The following ADGRL2 variants were observed in gnomAD, a reference collection of about 807,000 sequenced individuals.
The protein encoded by ADGRL2 is adhesion G protein-coupled receptor L2, also known as calcium-independent alpha-latrotoxin receptor 2.
A neutral mutation model predicts 157.4 loss-of-function variants in ADGRL2; 44 were observed. The ratio of observed to expected loss-of-function variants is 0.28; its 90% CI spans 0.22 to 0.36. ADGRL2 has a LOEUF of 0.36. Ranked by LOEUF, ADGRL2 falls within the 10% of genes least tolerant of loss-of-function variation. ADGRL2 has a pLI of 1.00. For synonymous variants in ADGRL2, 585 were observed against 624.7 expected, an observed-to-expected ratio of 0.94 and a Z score of 0.95; for missense variants, 1,510 against 1,768.9, an observed-to-expected ratio of 0.85 and a Z score of 2.63.
At chr1:81,374,921 A>T (rs929721591) in intron 1 of ADGRL2, among the ~76,000 whole-genome samples, 3 of 152,148 alleles carry the variant, frequency 2.0e-5, no homozygotes, top group East Asian at 1.9e-4. Flanking sequence ...TTGCCTCCTG[A>T]CTTCCTGAGT....
intron 2 of ADGRL2, among the ~76,000 whole-genome samples, chr1:81,476,723 T>C (rs2078280124): frequency 6.6e-6 from 1 of 152,218 alleles, no homozygotes; most frequent in South Asian, 2.1e-4. Flanking sequence ...TTACACCTTC[T>C]TTCAGATAAC....
chr1:81,308,172 C>A (rs1049809633), intron 1 of ADGRL2, among the ~76,000 whole-genome samples: 5 of 152,228 alleles, frequency 3.3e-5, no homozygotes, highest in African/African-American at 1.2e-4. Context: ...ATTAGAATTT[C>A]TTTAAAATTC....
intron 2 of ADGRL2, among the ~76,000 whole-genome samples, chr1:81,896,307 T>TA (rs66867403): frequency 1.1e-4 from 16 of 151,472 alleles, no homozygotes; most frequent in East Asian, 3.9e-4. Context: ...TAACTAGTTA[T>TA]AAAAAAAAAT....
chr1:81,876,760 A>T (rs1203371644), intron 2 of ADGRL2, among the ~76,000 whole-genome samples: 1 of 152,146 alleles, frequency 6.6e-6, no homozygotes, highest in Non-Finnish European at 1.5e-5. Flanking sequence ...AATCCAGATA[A>T]CTCAAATCCT....
intron 1 of ADGRL2, among the ~76,000 whole-genome samples, chr1:81,356,679 T>C (rs544156873): frequency 1.2e-4 from 19 of 152,134 alleles, no homozygotes; most frequent in East Asian, 5.8e-4. Context: ...TTTGGCTGGG[T>C]GCAATGGCTC....
At chr1:81,380,772 A>G (rs1479575136) in intron 1 of ADGRL2, among the ~76,000 whole-genome samples, 3 of 152,248 alleles carry the variant, frequency 2.0e-5, no homozygotes, top group African/African-American at 7.2e-5. Context: ...TAACCTTATA[A>G]TGTATTTGGT....
rs138480989 is a variant in ADGRL2 at position 81,984,650 on chromosome 1, C to T, written c.3350C>T (p.Pro1117Leu). The change falls in exon 20 of 24, where the codon CCC becomes CTC. Residue 1117 changes from proline to leucine, a missense_variant. Pro to Leu is a moderately conservative substitution (Grantham distance 98). Coordinates refer to ENST00000686636, the MANE Select transcript of ADGRL2 (RefSeq NM_001366006.2). ...TGTGGAGGCCTCCCAACTGAGAGTCCCCACAGTTCAGTGAAGGCATCAACC... is the reference window on the plus strand; with the variant it reads ...TGTGGAGGCCTCCCAACTGAGAGTCTCCACAGTTCAGTGAAGGCATCAACC... ...YCCGGLPTES[P>L]HSSVKASTTR... is the part of the protein sequence containing the mutation. The T allele has an allele frequency of 1.9e-5, 30 of 1,612,636 alleles. No homozygotes were observed. The highest frequency in any genetic ancestry group is 2.4e-5 in the Non-Finnish European group (28 of 1,179,158).
intron 2 of ADGRL2, among the ~76,000 whole-genome samples, chr1:81,845,480 T>C (rs2150380173): frequency 6.6e-6 from 1 of 152,110 alleles, no homozygotes; most frequent in South Asian, 2.1e-4. Flanking sequence ...TTACCAGCAA[T>C]GATCTGAAAT....
chr1:81,969,417 G>C (rs767966997), intron 15 of ADGRL2, 30 bp downstream of exon 15: 2 of 1,486,416 alleles, frequency 1.3e-6, no homozygotes, highest in South Asian at 2.3e-5. Flanking sequence ...ATTGACCTTA[G>C]ATCTCTGAAA....
intron 21 of ADGRL2, among the ~76,000 whole-genome samples, chr1:81,985,781 A>T (rs188907321): frequency 9.2e-5 from 14 of 152,146 alleles, no homozygotes; most frequent in African/African-American, 2.9e-4. Flanking sequence ...CTTTAAATTT[A>T]TCAGATAAAT....
intron 1 of ADGRL2, among the ~76,000 whole-genome samples, chr1:81,322,109 TACACATATATATATAC>T (rs1660554373): frequency 2.3e-5 from 3 of 129,842 alleles, no homozygotes; most frequent in Non-Finnish European, 4.9e-5. Context: ...TATATATATA[TACACATATATATATAC>T]ACACACACAC....
intron 1 of ADGRL2, among the ~76,000 whole-genome samples, chr1:81,803,756 C>T (rs765242272): frequency 2.6e-5 from 4 of 152,136 alleles, no homozygotes; most frequent in Non-Finnish European, 5.9e-5. Context: ...TCTTCCCCAC[C>T]CCGCCCTCAA....
intron 2 of ADGRL2, among the ~76,000 whole-genome samples, chr1:81,449,634 C>T (rs895912675): frequency 6.6e-6 from 1 of 152,168 alleles, no homozygotes; most frequent in Non-Finnish European, 1.5e-5. Flanking sequence ...CAGGGTCTCA[C>T]TCTGTCACCC....
rs939918298 is a variant in ADGRL2, at chr1:81,817,866, T to C, written c.-101+16798T>C. ...GCACAGCACTAGAGAATTCTTGCTA[T>C]GTGAATGATTTCTTTTGGCCAAGTG... On this transcript the variant is annotated intron_variant, in intron 1 of 23. Transcript: ENST00000686636. Among the ~76,000 whole-genome samples, 7 of 152,146 alleles carry C rather than the reference T, an allele frequency of 4.6e-5. 1 individual carries two copies. In the South Asian group the frequency reaches 1.2e-3, roughly 27 times the overall value.
In ADGRL2 at chr1:81,502,117, G is replaced by A. The variant is rs35459345; in HGVS notation, c.-248+57028G>A. 7,759 of 1,598,780 alleles carry A rather than the reference G, an allele frequency of 4.9e-3. 406 individuals are homozygous for A. In the African/African-American group the frequency reaches 0.092, roughly 19 times the overall value. On this transcript the variant is annotated intron_variant, in intron 2 of 24. Transcript: ENST00000370721. ...ATGATGAAGTTGCAGAGGTGGCTGA[G>A]AAAGAAACCCAGGCTGCTTCAAAAT...
At chr1:81,705,293 G>A (rs919114331) in intron 1 of ADGRL2, among the ~76,000 whole-genome samples, 1 of 152,100 alleles carries the variant, frequency 6.6e-6, no homozygotes, top group Non-Finnish European at 1.5e-5. Flanking sequence ...GGCCTCCTAA[G>A]GTGCTGGGAT....
chr1:81,828,542 C>G (rs1186697005), intron 1 of ADGRL2, among the ~76,000 whole-genome samples: 1 of 151,888 alleles, frequency 6.6e-6, no homozygotes, highest in Non-Finnish European at 1.5e-5. Flanking sequence ...AGTCTGTTAC[C>G]ACATGAAGGA....
chr1:81,495,880 G>A (rs1255665556), intron 2 of ADGRL2, among the ~76,000 whole-genome samples: 1 of 152,126 alleles, frequency 6.6e-6, no homozygotes, highest in African/African-American at 2.4e-5. Flanking sequence ...ACAGTTTCTA[G>A]ATTTCTAGTT....
rs1359968718 is a variant in ADGRL2, at chr1:81,808,365, T to TA, written c.-101+7298dup. On this transcript the variant is annotated intron_variant, in intron 1 of 23. Coordinates refer to ENST00000686636, the MANE Select transcript of ADGRL2 (RefSeq NM_001366006.2). Reference sequence around the variant, plus strand: ...TACATTGCTTAATAATATCAAAAGTTACCATGTTCACAGTGTAAGGATATT... The same window carrying TA: ...TACATTGCTTAATAATATCAAAAGTTAACCATGTTCACAGTGTAAGGATATT... Among the ~76,000 whole-genome samples, 5 of 152,062 alleles carry TA rather than the reference T, an allele frequency of 3.3e-5. No homozygotes were observed. The East Asian group carries it at 9.6e-4, about 29-fold the overall frequency.
Sources: gnomAD v4.1 joint callset for allele counts (sites outside exome capture counted in the v4.1 genomes callset) on GRCh38, gnomAD v4.1.1 for gene constraint, MANE v1.5 for transcripts, NCBI Gene and HGNC (gene_info 2026-07-23, HGNC 2026-07-21) for gene names.